Variants in ZFHX3 observed in about 807,000 individuals in gnomAD.
The protein encoded by ZFHX3 is zinc finger homeobox 3.
Under a neutral mutation model 279.1 loss-of-function variants are expected in ZFHX3, and 42 were observed. The observed-to-expected ratio is 0.15, with a 90% CI of 0.12 to 0.19. The LOEUF is 0.19. ZFHX3 is among the 10% of genes least tolerant of loss of function. ZFHX3 has a pLI of 1.00. For synonymous variants in ZFHX3, 2,293 were observed against 1,957.8 expected, an observed-to-expected ratio of 1.17 and a Z score of -4.52; for missense variants, 4,981 against 4,754.0, an observed-to-expected ratio of 1.05 and a Z score of -1.40.
At chr16:73,600,907 C>T (rs1201481162) in intron 2 of ZFHX3, among the ~76,000 whole-genome samples, 3 of 152,208 alleles carry the variant, frequency 2.0e-5, no homozygotes, top group Admixed American at 6.5e-5. Context: ...AACTCCAGAT[C>T]CACAAGCTAT....
rs1014782964 is a variant in ZFHX3, at chr16:72,968,682, C to T, written c.-49-8488G>A. 1.1e-4 allele frequency among the ~76,000 whole-genome samples: 16 copies of T among 152,146 alleles called. No homozygotes were observed. In the South Asian group the frequency reaches 1.9e-3, roughly 18 times the overall value. ...TTCACCACACTGGCCAGGCTAGTTT[C>T]GAACTCCTGACCTCCAGTGATCCGC... On this transcript the variant is annotated intron_variant, in intron 1 of 9. Transcript: ENST00000268489.
At chr16:73,594,084 C>G (rs2052025279) in intron 2 of ZFHX3, among the ~76,000 whole-genome samples, 1 of 151,772 alleles carries the variant, frequency 6.6e-6, no homozygotes, top group Admixed American at 6.6e-5. Flanking sequence ...GAGGCTGAAA[C>G]AAAACTATTT....
chr16:73,607,398 T>C (rs1365171160), intron 2 of ZFHX3, among the ~76,000 whole-genome samples: 1 of 152,176 alleles, frequency 6.6e-6, no homozygotes, highest in Non-Finnish European at 1.5e-5. Context: ...ATCCAGTCTA[T>C]CATCACTGGG....
chr16:73,153,059 A>G (rs895999463), intron 5 of ZFHX3, among the ~76,000 whole-genome samples: 1 of 152,068 alleles, frequency 6.6e-6, no homozygotes, highest in Non-Finnish European at 1.5e-5. Context: ...AGATTTTAGC[A>G]TCTCCTCAGG....
chr16:73,214,856 T>TTTC (rs1241190158), intron 5 of ZFHX3, among the ~76,000 whole-genome samples: 3 of 143,822 alleles, frequency 2.1e-5, no homozygotes, highest in African/African-American at 7.7e-5. Flanking sequence ...TTTTTTTTTT[T>TTTC]TTTTTTTTTT....
upstream of ZFHX3, among the ~76,000 whole-genome samples, chr16:73,064,379 G>T (rs1965720975): frequency 6.6e-6 from 1 of 152,124 alleles, no homozygotes. Context: ...CTAGAAGGCA[G>T]CTGAGGTCTG....
chr16:73,832,856 C>A (rs1460373072), intron 1 of ZFHX3, among the ~76,000 whole-genome samples: 1 of 152,112 alleles, frequency 6.6e-6, no homozygotes, highest in Non-Finnish European at 1.5e-5. Flanking sequence ...TTTTTTCTCA[C>A]AAATTATCTT....
intron 1 of ZFHX3, among the ~76,000 whole-genome samples, chr16:73,683,876 T>G (rs551910389): frequency 1.1e-4 from 17 of 152,354 alleles, no homozygotes; most frequent in African/African-American, 4.1e-4. Flanking sequence ...GGTCATAAAC[T>G]TCTTCTGTAA....
At chr16:73,235,339 G>A (rs1397599340) in intron 5 of ZFHX3, among the ~76,000 whole-genome samples, 1 of 152,176 alleles carries the variant, frequency 6.6e-6, no homozygotes, top group Non-Finnish European at 1.5e-5. Flanking sequence ...AAAGTGCTGG[G>A]ACTACAGGCA....
intron 4 of ZFHX3, among the ~76,000 whole-genome samples, chr16:73,299,219 T>C (rs979452346): frequency 1.3e-5 from 2 of 152,224 alleles, no homozygotes; most frequent in Non-Finnish European, 2.9e-5. Context: ...AATTTATTAT[T>C]GCAGCCAGAT....
At chr16:73,703,105 C>G (rs1478123463) in intron 1 of ZFHX3, among the ~76,000 whole-genome samples, 1 of 152,132 alleles carries the variant, frequency 6.6e-6, no homozygotes, top group Admixed American at 6.5e-5. Context: ...GTCAGCAATC[C>G]CCTATGCAGC....
chr16:73,355,540 G>C (rs1014181994), intron 3 of ZFHX3, among the ~76,000 whole-genome samples: 11 of 152,282 alleles, frequency 7.2e-5, no homozygotes, highest in African/African-American at 2.6e-4. Context: ...AGCTGGGATG[G>C]TCTGCTTCAT....
chr16:73,038,666 A>G (rs1964999259), intron 1 of ZFHX3, among the ~76,000 whole-genome samples: 1 of 150,490 alleles, frequency 6.6e-6, no homozygotes, highest in South Asian at 2.1e-4. Context: ...ACAATTACAT[A>G]TAAGCTTGTA....
chr16:73,231,116 A>C (rs769708722), intron 5 of ZFHX3, among the ~76,000 whole-genome samples: 7 of 152,162 alleles, frequency 4.6e-5, no homozygotes, highest in Non-Finnish European at 8.8e-5. Flanking sequence ...GGGGACCACC[A>C]TCCAATGGCC....
intron 3 of ZFHX3, among the ~76,000 whole-genome samples, chr16:72,890,661 C>G (rs74028128): frequency 6.6e-6 from 1 of 152,164 alleles, no homozygotes; most frequent in African/African-American, 2.4e-5. Flanking sequence ...AGTGCAACAC[C>G]GGCTTTCCTG....
rs368048180 is a variant in ZFHX3, at chr16:73,130,307, G to A, written c.-897+661C>T. ...ATGTTTGGAAAGAGAGCTGTACTCCGACAGTCTCAAGAGATGGCTCTGCGT... is the reference window on the plus strand; with the variant it reads ...ATGTTTGGAAAGAGAGCTGTACTCCAACAGTCTCAAGAGATGGCTCTGCGT... On this transcript the variant is annotated intron_variant, in intron 7 of 17. Transcript: ENST00000641206. Among the ~76,000 whole-genome samples the A allele has an allele frequency of 1.9e-4, 29 of 151,826 alleles. 1 individual carries two copies. Among genetic ancestry groups the A allele is most frequent in the East Asian group, 1.5e-3 (8 of 5,172 alleles).
chr16:73,403,661 T>A (rs988151800), intron 3 of ZFHX3, among the ~76,000 whole-genome samples: 8 of 152,174 alleles, frequency 5.3e-5, no homozygotes, highest in African/African-American at 1.9e-4. Flanking sequence ...AGAAAGGGTC[T>A]GAACTGGGCG....
At chr16:73,664,958 C>T (rs951893799) in intron 2 of ZFHX3, among the ~76,000 whole-genome samples, 6 of 152,128 alleles carry the variant, frequency 3.9e-5, no homozygotes, top group African/African-American at 1.4e-4. Context: ...GTCAGCAGCA[C>T]AGTCATGGTC....
At chr16:72,844,095 C>T (rs928242307) in intron 4 of ZFHX3, among the ~76,000 whole-genome samples, 1 of 152,162 alleles carries the variant, frequency 6.6e-6, no homozygotes, top group Admixed American at 6.5e-5. Context: ...AAGTACTGCT[C>T]CCAAATGGCT....
Sources: gnomAD v4.1 joint callset for allele counts (sites outside exome capture counted in the v4.1 genomes callset) on GRCh38, gnomAD v4.1.1 for gene constraint, MANE v1.5 for transcripts, NCBI Gene and HGNC (gene_info 2026-07-23, HGNC 2026-07-21) for gene names.